AMZ1: variants seen among roughly 807,000 people sequenced by gnomAD.
The protein encoded by AMZ1 is archaelysin family metallopeptidase 1.
In AMZ1, 39 loss-of-function variants were observed where a neutral mutation model predicts 29.9. The ratio of observed to expected loss-of-function variants is 1.30; its 90% CI spans 1.01 to 1.70. The LOEUF is 1.70. AMZ1 is among the 40% of genes most tolerant of loss of function. AMZ1 has a pLI of 0.00. For missense variants in AMZ1, 1,041 were observed against 680.6 expected (o/e 1.53, Z -5.89); for synonymous variants, 458 against 304.0 (o/e 1.51, Z -5.27).
intron 4 of AMZ1, among the ~76,000 whole-genome samples, chr7:2,740,743 C>A (rs1380634601): frequency 2.0e-5 from 3 of 152,116 alleles, no homozygotes; most frequent in Non-Finnish European, 2.9e-5. Context: ...TAGATTCAGC[C>A]CTTAAAACTA....
At chr7:2,738,664 C>A (rs1027790333) in intron 4 of AMZ1, among the ~76,000 whole-genome samples, 11 of 151,918 alleles carry the variant, frequency 7.2e-5, no homozygotes, top group Non-Finnish European at 1.5e-4. Context: ...GAGTAGCCCT[C>A]TCTGAGTATG....
intron 1 of AMZ1, among the ~76,000 whole-genome samples, chr7:2,693,929 C>A (rs747878034): frequency 2.6e-5 from 4 of 152,208 alleles, no homozygotes; most frequent in Non-Finnish European, 4.4e-5. Context: ...ACTTTTGCCA[C>A]CTGCCTTCCT....
intron 4 of AMZ1, among the ~76,000 whole-genome samples, chr7:2,750,966 A>G (rs1467384091): frequency 6.6e-6 from 1 of 152,248 alleles, no homozygotes; most frequent in Non-Finnish European, 1.5e-5. Context: ...CAGACATGCC[A>G]AAATCAAGAA....
At chr7:2,722,551 G>T (rs370856758), downstream of AMZ1, among the ~76,000 whole-genome samples, 1 of 152,168 alleles carries the variant, frequency 6.6e-6, no homozygotes, top group Non-Finnish European at 1.5e-5. Flanking sequence ...GATTACAGGC[G>T]TGAGCCACCG....
At chr7:2,709,002 G>C in intron 4 of AMZ1, 73 bp from the exon 5 acceptor site, 1 of 1,479,740 alleles carries the variant, frequency 6.8e-7, no homozygotes, top group South Asian at 1.4e-5. Flanking sequence ...GAGAGCATGA[G>C]GTGGGTTTGA....
At position 2,719,185 on chromosome 7, in the gene AMZ1, TC is replaced by T. The variant is rs1789306773; in HGVS notation, c.*6309del. On this transcript the variant is annotated 3_prime_UTR_variant, in exon 7 of 7. Transcript: ENST00000683327. Reference sequence around the variant, plus strand: ...CTTTGTCGGCTGCCAACCCAACTCCTCCGACAGAACGGCAGGTGGCCCCTGT... The same window carrying T: ...CTTTGTCGGCTGCCAACCCAACTCCTCGACAGAACGGCAGGTGGCCCCTGT... Among the ~76,000 whole-genome samples the T allele has an allele frequency of 3.3e-5, 5 of 152,228 alleles. No homozygotes were observed. Among genetic ancestry groups the T allele is most frequent in the African/African-American group, 1.2e-4 (5 of 41,538 alleles).
intron 2 of AMZ1, among the ~76,000 whole-genome samples, chr7:2,701,780 C>T (rs1003303509): frequency 1.3e-5 from 2 of 152,238 alleles, no homozygotes; most frequent in Non-Finnish European, 2.9e-5. Context: ...GCAGGCTTGT[C>T]ACCAGCCCTG....
At chr7:2,763,403 A>G (rs798486), upstream of AMZ1, 38,309 of 152,368 alleles carry the variant, frequency 0.25, 5,300 homozygotes, top group Non-Finnish European at 0.29. Context: ...GGAGCCCACA[A>G]AGGAGCTCTT....
chr7:2,695,924 C>G (rs934581349), intron 1 of AMZ1, among the ~76,000 whole-genome samples: 4 of 150,104 alleles, frequency 2.7e-5, no homozygotes, highest in Non-Finnish European at 4.4e-5. Flanking sequence ...GCAGGAGAAT[C>G]GCTTGAACCC....
rs1270755905 is a variant in AMZ1 at position 2,712,363 on chromosome 7, A to G, written c.982A>G (p.Thr328Ala). The change falls in exon 7 of 7, where the codon ACG (threonine) becomes GCG (alanine). Residue 328 changes from threonine to alanine, a missense_variant. By Grantham distance (58) the Thr-to-Ala change is moderately conservative. Coordinates refer to ENST00000683327, the MANE Select transcript of AMZ1 (RefSeq NM_001384743.1). ...LYTWTQAVVG[T>A]WPSQEAGEPS... ...CACCTGGACTCAGGCGGTGGTGGGG[A>G]CGTGGCCCAGCCAGGAGGCGGGGGA... The G allele has an allele frequency of 1.9e-6, 3 of 1,602,262 alleles. No individual in the cohort carries two copies. The highest frequency in any genetic ancestry group is 1.7e-6 in the Non-Finnish European group (2 of 1,174,058).
At chr7:2,743,767 T>C (rs1328055118) in intron 4 of AMZ1, among the ~76,000 whole-genome samples, 3 of 152,160 alleles carry the variant, frequency 2.0e-5, no homozygotes, top group African/African-American at 7.2e-5. Flanking sequence ...GAATTCCCTT[T>C]CCTACTCAAA....
At chr7:2,734,451 C>T (rs960371223) in intron 4 of AMZ1, among the ~76,000 whole-genome samples, 12 of 152,218 alleles carry the variant, frequency 7.9e-5, no homozygotes, top group Admixed American at 2.6e-4. Context: ...TCTGTGTTCT[C>T]ATGGAAATGT....
chr7:2,735,115 T>TC (rs33969672), intron 4 of AMZ1, among the ~76,000 whole-genome samples: 88,870 of 151,884 alleles, frequency 0.59, 26,287 homozygotes, highest in Admixed American at 0.63. Flanking sequence ...GTGCACTCAC[T>TC]CCCTGATTTA....
rs564103945 is a variant in AMZ1 at position 2,725,967 on chromosome 7, G to A, written n.550+16151G>A. Among the ~76,000 whole-genome samples the A allele has an allele frequency of 2.0e-3, 303 of 152,274 alleles. 1 individual carries two copies. Among genetic ancestry groups the A allele is most frequent in the Middle Eastern group, 6.8e-3 (2 of 294 alleles). On this transcript the variant is annotated intron_variant and non_coding_transcript_variant, in intron 4 of 4. Transcript: ENST00000489665. The stretch of plus-strand genomic sequence containing the variant: ...CAGGTCTGGACCAGCTCCCCTGAAC[G>A]CCAAGGCTTCAAGGAAACACCAGGA...
chr7:2,748,455 A>G (rs1196579181), intron 4 of AMZ1, among the ~76,000 whole-genome samples: 1 of 152,158 alleles, frequency 6.6e-6, no homozygotes, highest in Non-Finnish European at 1.5e-5. Flanking sequence ...CTGGCTAGCC[A>G]TATGTAGAAA....
Position 2,709,799 on chromosome 7 carries a change from CTCA to C in AMZ1, c.934_936del (p.Ile312del). ...GCTGCAGCATGTCCTGGGTTTCAGG[CTCA>C]TCGAGAGGTACCAGGTGAGTGGCTG... On this transcript the variant is annotated inframe_deletion, in exon 6 of 7. Transcript: ENST00000683327. 1 of 1,612,054 alleles carries C rather than the reference CTCA, an allele frequency of 6.2e-7. No individual in the cohort carries two copies. The highest frequency in any genetic ancestry group is 8.5e-7 in the Non-Finnish European group (1 of 1,179,832).
rs541160050 is a variant in AMZ1 at position 2,704,339 on chromosome 7, C to CA, written c.472+1456dup. On this transcript the variant is annotated intron_variant, in intron 3 of 6. Transcript: ENST00000683327. Reference sequence around the variant, plus strand: ...GCAACTAGGCCAGACCCTGTCTGTGCAAAAAATATAAAAATAGCTGGCAGT... The same window carrying CA: ...GCAACTAGGCCAGACCCTGTCTGTGCAAAAAAATATAAAAATAGCTGGCAGT... Among the ~76,000 whole-genome samples the CA allele has an allele frequency of 3.0e-3, 452 of 152,144 alleles. 2 individuals carry two copies. The highest frequency in any genetic ancestry group is 0.01 in the African/African-American group (423 of 41,494).
chr7:2,732,419 T>G (rs998216784), intron 4 of AMZ1, among the ~76,000 whole-genome samples: 7 of 152,092 alleles, frequency 4.6e-5, no homozygotes, highest in African/African-American at 1.4e-4. Flanking sequence ...TGGTGCCTCA[T>G]GCTATAGTCC....
chr7:2,684,896 C>T (rs1280737754), upstream of AMZ1, among the ~76,000 whole-genome samples: 9 of 138,298 alleles, frequency 6.5e-5, no homozygotes, highest in Non-Finnish European at 1.2e-4. Flanking sequence ...TTTTTTGAGA[C>T]GGAGTCTCTG....
Sources: gnomAD v4.1 joint callset for allele counts (sites outside exome capture counted in the v4.1 genomes callset) on GRCh38, gnomAD v4.1.1 for gene constraint, MANE v1.5 for transcripts, NCBI Gene and HGNC (gene_info 2026-07-23, HGNC 2026-07-21) for gene names.